Variants in TRIM37 observed in about 807,000 individuals in gnomAD.
TRIM37 encodes E3 ubiquitin-protein ligase TRIM37.
In TRIM37, 80 loss-of-function variants were observed where a neutral mutation model predicts 129.8. That is an observed-to-expected ratio of 0.62 (90% confidence interval 0.51 to 0.74). The LOEUF (loss-of-function observed/expected upper bound fraction) is 0.74, where lower values mean the gene tolerates loss of function less well. Among genes scored for constraint, TRIM37 ranks in the 30% least tolerant of loss-of-function variants. The pLI, the probability that TRIM37 is intolerant of heterozygous loss-of-function variation, is 0.00. For synonymous variants in TRIM37, 389 were observed against 387.1 expected, an observed-to-expected ratio of 1.00 and a Z score of -0.06; for missense variants, 1,054 against 1,176.5, an observed-to-expected ratio of 0.90 and a Z score of 1.52.
At chr17:59,073,476 T>A (rs2042557422) in intron 8 of TRIM37, among the ~76,000 whole-genome samples, 1 of 152,130 alleles carries the variant, frequency 6.6e-6, no homozygotes, top group Non-Finnish European at 1.5e-5. Flanking sequence ...GTATTTTTAG[T>A]AGAGACGGGG....
At chr17:59,038,602 T>C (rs2038810967) in intron 17 of TRIM37, among the ~76,000 whole-genome samples, 1 of 152,132 alleles carries the variant, frequency 6.6e-6, no homozygotes, top group Admixed American at 6.5e-5. Context: ...GATGAATATA[T>C]AATTCAAAAA....
intron 21 of TRIM37, 67 bp from the exon 22 acceptor site, chr17:59,012,513 G>T: frequency 1.8e-6 from 2 of 1,124,246 alleles, no homozygotes; most frequent in Non-Finnish European, 2.7e-6. Context: ...TTTTCTTTTT[G>T]AACTGAGCAC....
intron 17 of TRIM37, among the ~76,000 whole-genome samples, chr17:59,037,167 CT>C: frequency 6.6e-6 from 1 of 151,982 alleles, no homozygotes; most frequent in Admixed American, 6.6e-5. Context: ...CCATTCGAGG[CT>C]TGAAATGGAC....
chr17:58,982,838 A>G (rs554157252), exon 25 of TRIM37: 7 of 1,416,194 alleles, frequency 4.9e-6, no homozygotes, highest in Admixed American at 2.0e-5. Flanking sequence ...TGCCCCACAC[A>G]TGGTCCTCAC....
chr17:59,046,660 C>G (rs985849568), intron 16 of TRIM37, among the ~76,000 whole-genome samples: 2 of 151,348 alleles, frequency 1.3e-5, no homozygotes, highest in African/African-American at 2.4e-5. Flanking sequence ...CCTCAGCCTA[C>G]CAAGTAGCTG....
At chr17:59,086,609 T>C (rs2043777489) in intron 4 of TRIM37, among the ~76,000 whole-genome samples, 2 of 152,154 alleles carry the variant, frequency 1.3e-5, no homozygotes, top group South Asian at 4.1e-4. Context: ...CTTACATAAG[T>C]TTATATTTTA....
At chr17:59,037,859 T>C (rs1274329028) in intron 17 of TRIM37, among the ~76,000 whole-genome samples, 1 of 152,146 alleles carries the variant, frequency 6.6e-6, no homozygotes, top group East Asian at 1.9e-4. Context: ...CTCCTGTCTT[T>C]TTAGACTCTT....
the TRIM37 span, among the ~76,000 whole-genome samples, chr17:58,967,504 G>GTGTA: frequency 6.7e-6 from 1 of 148,494 alleles, no homozygotes; most frequent in African/African-American, 2.5e-5. Flanking sequence ...ATATATATGT[G>GTGTA]TATATATATA....
intron 13 of TRIM37, among the ~76,000 whole-genome samples, chr17:59,051,991 A>G (rs1414723950): frequency 6.6e-6 from 1 of 152,108 alleles, no homozygotes; most frequent in Non-Finnish European, 1.5e-5. Context: ...CAGAAAAAAA[A>G]TCACTTCCTG....
chr17:59,035,251 AG>A lies in TRIM37; in HGVS notation c.1754-3162del, dbSNP rs554913650. On this transcript the variant is annotated intron_variant, in intron 17 of 23. Transcript: ENST00000262294. ...ATTTTTTCTACTTTCAGTAGAAATGAGGTTTCGCCATGTTGGCCAGGCTGGT... is the reference window on the plus strand; with the variant it reads ...ATTTTTTCTACTTTCAGTAGAAATGAGTTTCGCCATGTTGGCCAGGCTGGT... Among the ~76,000 whole-genome samples, 610 of 151,726 alleles carry A rather than the reference AG, an allele frequency of 4.0e-3. 3 individuals carry two copies. The highest frequency in any genetic ancestry group is 0.014 in the African/African-American group (565 of 41,368).
At chr17:58,977,956 T>C (rs1339650171), downstream of TRIM37, among the ~76,000 whole-genome samples, 1 of 152,218 alleles carries the variant, frequency 6.6e-6, no homozygotes, top group Non-Finnish European at 1.5e-5. Flanking sequence ...ATGGCCAGGC[T>C]GGCTTCGTAC....
rs1568284572 is a variant in TRIM37 at position 59,106,639 on chromosome 17, C to A, written c.-178G>T. The A allele has an allele frequency of 1.1e-5, 8 of 714,864 alleles. No individual in the cohort carries two copies. The Admixed American group carries it at 2.1e-4, about 18-fold the overall frequency. 44.3% of individuals were successfully genotyped at this position (714,864 alleles called of 1,614,324 possible). On this transcript the variant is annotated 5_prime_UTR_variant, in exon 1 of 24. Coordinates refer to ENST00000262294, the MANE Select transcript of TRIM37 (RefSeq NM_015294.6). ...CTCTTCAGGTCCAGCGCCGCCTACC[C>A]CCATTTCGCCATTTTTACCGGCGCG...
rs1599638909 is a variant in TRIM37 at position 59,106,778 on chromosome 17, C to A, written c.-317G>T. ...CGGCCCACGTGACGCGGGCGCGCGCCTATGGAACTGACGGTGGAGTTCAGC... is the reference window on the plus strand; with the variant it reads ...CGGCCCACGTGACGCGGGCGCGCGCATATGGAACTGACGGTGGAGTTCAGC... On this transcript the variant is annotated 5_prime_UTR_variant, in exon 1 of 24. In the 5' UTR this introduces an upstream ATG that the reference lacks. Transcript: ENST00000262294. 3 of 550,630 alleles carry A rather than the reference C, an allele frequency of 5.4e-6. No homozygotes were observed. Among genetic ancestry groups the A allele is most frequent in the African/African-American group, 3.9e-5 (2 of 51,198 alleles). 34.1% of individuals were successfully genotyped at this position (550,630 alleles called of 1,614,324 possible). A position where few individuals can be genotyped will look rare whatever the true frequency, so the allele number is the denominator to read the frequency against.
intron 24 of TRIM37, among the ~76,000 whole-genome samples, chr17:58,987,307 A>C (rs896405963): frequency 6.6e-6 from 1 of 152,222 alleles, no homozygotes; most frequent in Non-Finnish European, 1.5e-5. Flanking sequence ...ATTAAGCCAA[A>C]TCGAGTTGCT....
At chr17:59,046,687 C>T (rs1253698293) in intron 16 of TRIM37, among the ~76,000 whole-genome samples, 1 of 151,580 alleles carries the variant, frequency 6.6e-6, no homozygotes, top group Non-Finnish European at 1.5e-5. Flanking sequence ...CAGGCGCCTG[C>T]CACCACACCT....
chr17:59,063,867 C>T (rs1270804527), intron 10 of TRIM37, among the ~76,000 whole-genome samples: 2 of 152,176 alleles, frequency 1.3e-5, no homozygotes, highest in African/African-American at 4.8e-5. Context: ...TGGTTCCTCA[C>T]TTTGGGCAGG....
At chr17:59,025,560 G>A (rs1265472146) in intron 19 of TRIM37, among the ~76,000 whole-genome samples, 1 of 152,008 alleles carries the variant, frequency 6.6e-6, no homozygotes, top group East Asian at 1.9e-4. Flanking sequence ...GTGGGGGTTG[G>A]TTCCAGGACC....
intron 2 of TRIM37, among the ~76,000 whole-genome samples, chr17:59,097,593 G>A (rs1342541725): frequency 6.6e-6 from 1 of 152,090 alleles, no homozygotes; most frequent in Non-Finnish European, 1.5e-5. Flanking sequence ...CATGGAGGCT[G>A]AGTGTGGTGG....
intron 22 of TRIM37, among the ~76,000 whole-genome samples, chr17:59,003,923 A>T (rs934592696): frequency 4.0e-4 from 17 of 42,080 alleles, no homozygotes; most frequent in Admixed American, 2.9e-3. Flanking sequence ...CCATCTCTAT[A>T]AAAAAAAAAA....
Sources: allele counts gnomAD v4.1 joint callset (sites outside exome capture counted in the v4.1 genomes callset), GRCh38; gene constraint gnomAD v4.1.1; transcripts MANE v1.5; gene names NCBI Gene and HGNC (gene_info 2026-07-23, HGNC 2026-07-21).